The following CDIN1 variants were observed in gnomAD, a reference collection of about 807,000 sequenced individuals.
The protein encoded by CDIN1 is CDAN1 interacting nuclease 1.
A neutral mutation model predicts 45.3 loss-of-function variants in CDIN1; 33 were observed. The ratio of observed to expected loss-of-function variants is 0.73; its 90% CI spans 0.55 to 0.97. CDIN1 has a LOEUF of 0.97. Among genes scored for constraint, CDIN1 ranks in the 50% least tolerant of loss-of-function variants. The probability of loss-of-function intolerance (pLI) is 0.00; values close to 1 mark genes in which losing one functional copy is unlikely to be tolerated. For missense variants in CDIN1, 303 were observed against 339.4 expected, an observed-to-expected ratio of 0.89 and a Z score of 0.84; for synonymous variants, 118 against 124.4, an observed-to-expected ratio of 0.95 and a Z score of 0.34.
At chr15:36,770,091 A>C in intron 10 of CDIN1, among the ~76,000 whole-genome samples, 1 of 147,364 alleles carries the variant, frequency 6.8e-6, no homozygotes, top group African/African-American at 2.5e-5. Flanking sequence ...TTCCTTTTCT[A>C]TTTCTCTCCT....
intron 10 of CDIN1, among the ~76,000 whole-genome samples, chr15:36,787,681 T>A (rs547395165): frequency 1.3e-4 from 20 of 152,254 alleles, no homozygotes; most frequent in African/African-American, 4.8e-4. Context: ...TATATCTTCT[T>A]AGTATTAATT....
At chr15:36,590,948 C>T (rs947028943) in intron 1 of CDIN1, among the ~76,000 whole-genome samples, 2 of 152,190 alleles carry the variant, frequency 1.3e-5, no homozygotes, top group Non-Finnish European at 2.9e-5. Flanking sequence ...CAGATTTATA[C>T]TCAGCACATT....
intron 8 of CDIN1, among the ~76,000 whole-genome samples, chr15:36,701,171 TAGA>T (rs2042630525): frequency 1.4e-5 from 2 of 146,652 alleles, no homozygotes; most frequent in Non-Finnish European, 3.0e-5. Flanking sequence ...GATAGATAGA[TAGA>T]TATGAGCATT....
intron 10 of CDIN1, among the ~76,000 whole-genome samples, chr15:36,790,812 G>A (rs780350903): frequency 5.3e-5 from 8 of 152,200 alleles, no homozygotes; most frequent in Non-Finnish European, 2.9e-5. Flanking sequence ...TTCTCTGAGT[G>A]TGCCAGTCAG....
At chr15:36,776,994 C>T (rs1015134542) in intron 10 of CDIN1, among the ~76,000 whole-genome samples, 1 of 151,938 alleles carries the variant, frequency 6.6e-6, no homozygotes, top group Non-Finnish European at 1.5e-5. Context: ...TCTTTTTGTC[C>T]CAATATTTTT....
intron 3 of CDIN1, among the ~76,000 whole-genome samples, chr15:36,651,235 G>T (rs2040565885): frequency 6.6e-6 from 1 of 152,124 alleles, no homozygotes; most frequent in Admixed American, 6.5e-5. Flanking sequence ...TTGGATGTTT[G>T]CCAGGGTTGG....
intron 10 of CDIN1, among the ~76,000 whole-genome samples, chr15:36,722,138 TATG>T (rs933910947): frequency 7.9e-5 from 12 of 152,198 alleles, no homozygotes; most frequent in African/African-American, 2.7e-4. Flanking sequence ...GACTTTCAAT[TATG>T]ATTTTAACAC....
At chr15:36,729,242 C>T (rs1210335699) in intron 10 of CDIN1, among the ~76,000 whole-genome samples, 1 of 151,948 alleles carries the variant, frequency 6.6e-6, no homozygotes, top group Non-Finnish European at 1.5e-5. Flanking sequence ...CTAGTACTTT[C>T]TAGTAGGTGG....
intron 1 of CDIN1, among the ~76,000 whole-genome samples, chr15:36,598,202 G>T (rs374390978): frequency 6.6e-6 from 1 of 151,978 alleles, no homozygotes; most frequent in East Asian, 1.9e-4. Context: ...ATGTTGCCCA[G>T]TCTGCTCTTG....
intron 10 of CDIN1, among the ~76,000 whole-genome samples, chr15:36,750,747 T>C (rs117727479): frequency 6.6e-6 from 1 of 152,260 alleles, no homozygotes; most frequent in East Asian, 1.9e-4. Flanking sequence ...ACTCACTGAA[T>C]TGCCAGTTCC....
chr15:36,747,833 C>T (rs956757204), intron 10 of CDIN1, among the ~76,000 whole-genome samples: 6 of 152,000 alleles, frequency 3.9e-5, no homozygotes, highest in African/African-American at 7.3e-5. Flanking sequence ...ATCAGACCCC[C>T]GAGCCAACCA....
chr15:36,743,969 A>AT (rs200738602), intron 10 of CDIN1, among the ~76,000 whole-genome samples: 2 of 122,572 alleles, frequency 1.6e-5, no homozygotes, highest in East Asian at 3.1e-4. Flanking sequence ...TTCTAAAGAC[A>AT]TTTTTTGTCT....
At chr15:36,710,581 A>T (rs566709898) in intron 10 of CDIN1, among the ~76,000 whole-genome samples, 21 of 152,298 alleles carry the variant, frequency 1.4e-4, no homozygotes, top group African/African-American at 4.8e-4. Flanking sequence ...GCTAGTTATC[A>T]TGGGGCTGCA....
In CDIN1 at chr15:36,691,725, TCA is replaced by T. The variant is rs1372969995; in HGVS notation, c.388_389del (p.Gln130AspfsTer34). 1 of 1,603,986 alleles carries T rather than the reference TCA, an allele frequency of 6.2e-7. No homozygotes were observed. Among genetic ancestry groups the T allele is most frequent in the South Asian group, 1.1e-5 (1 of 88,902 alleles). ...IINSMLRDPS[Q>X]IPDGVLANQV... ...TAAATAGTATGCTACGGGACCCTTC[TCA>T]GATTCCAGATGGAGTTCTAGCAAAT... On this transcript the variant is annotated frameshift_variant, in exon 6 of 11. Coordinates refer to ENST00000566621, the MANE Select transcript of CDIN1 (RefSeq NM_001321759.2). LOFTEE classifies it high-confidence loss of function.
chr15:36,734,266 G>A, intron 10 of CDIN1: 1 of 292,766 alleles, frequency 3.4e-6, no homozygotes, highest in Admixed American at 4.1e-5. Context: ...AAATATCAGT[G>A]CATATGCTGT....
chr15:36,691,289 G>T (rs139576275), intron 5 of CDIN1: 22 of 438,104 alleles, frequency 5.0e-5, no homozygotes, highest in Non-Finnish European at 9.7e-5. Context: ...AAAGACTTCA[G>T]ATCTGACCTG....
intron 10 of CDIN1, among the ~76,000 whole-genome samples, chr15:36,761,456 C>G (rs1326777632): frequency 6.6e-6 from 1 of 152,164 alleles, no homozygotes; most frequent in Non-Finnish European, 1.5e-5. Context: ...TACAGCTATT[C>G]AAGTTTTCAT....
intron 10 of CDIN1, among the ~76,000 whole-genome samples, chr15:36,738,186 G>A (rs1417010219): frequency 6.6e-6 from 1 of 151,964 alleles, no homozygotes; most frequent in African/African-American, 2.4e-5. Flanking sequence ...TAATACTTCC[G>A]AAAGCTATGG....
chr15:36,607,854 A>T (rs2038453489), intron 1 of CDIN1, among the ~76,000 whole-genome samples: 1 of 152,190 alleles, frequency 6.6e-6, no homozygotes, highest in African/African-American at 2.4e-5. Context: ...CCCATCAGGC[A>T]TGGCTCCCCA....
Sources: allele counts gnomAD v4.1 joint callset (sites outside exome capture counted in the v4.1 genomes callset), GRCh38; gene constraint gnomAD v4.1.1; transcripts MANE v1.5; gene names NCBI Gene and HGNC (gene_info 2026-07-23, HGNC 2026-07-21).